The following NRXN3 variants were observed in gnomAD, a reference collection of about 807,000 sequenced individuals.
NRXN3 encodes neurexin III.
A neutral mutation model predicts 137.6 loss-of-function variants in NRXN3; 32 were observed. The ratio of observed to expected loss-of-function variants is 0.23; its 90% CI spans 0.18 to 0.31. NRXN3 has a LOEUF of 0.31. Among genes scored for constraint, NRXN3 ranks in the 10% least tolerant of loss-of-function variants. NRXN3 has a pLI of 1.00. For synonymous variants in NRXN3, 798 were observed against 784.5 expected, an observed-to-expected ratio of 1.02 and a Z score of -0.29; for missense variants, 1,574 against 2,062.5, an observed-to-expected ratio of 0.76 and a Z score of 4.59.
At chr14:78,609,086 T>G (rs1362809168) in intron 4 of NRXN3, among the ~76,000 whole-genome samples, 1 of 152,102 alleles carries the variant, frequency 6.6e-6, no homozygotes, top group East Asian at 1.9e-4. Flanking sequence ...GGTCACGAAG[T>G]AAATAAGATC....
intron 4 of NRXN3, among the ~76,000 whole-genome samples, chr14:78,484,218 A>G (rs1281918908): frequency 6.6e-6 from 1 of 152,186 alleles, no homozygotes; most frequent in African/African-American, 2.4e-5. Flanking sequence ...CAGTTGGGGA[A>G]TTGTGTAATT....
At chr14:78,778,790 TTCTTTCTTTC>T (rs2098757024) in intron 8 of NRXN3, among the ~76,000 whole-genome samples, 2 of 144,950 alleles carry the variant, frequency 1.4e-5, no homozygotes, top group African/African-American at 5.2e-5. Flanking sequence ...CTTTCTTTCT[TTCTTTCTTTC>T]TTTCTTTCTT....
intron 4 of NRXN3, among the ~76,000 whole-genome samples, chr14:78,472,916 C>CT (rs11407621): frequency 0.8 from 112,866 of 140,360 alleles, 46,102 homozygotes; most frequent in Non-Finnish European, 0.9. Context: ...GAGAAAATGT[C>CT]TTTTTTTTTT....
At chr14:79,002,307 C>T (rs2099543096) in intron 15 of NRXN3, among the ~76,000 whole-genome samples, 1 of 152,038 alleles carries the variant, frequency 6.6e-6, no homozygotes, top group South Asian at 2.1e-4. Context: ...GCACTATCAG[C>T]CTATCACCTA....
Position 79,697,812 on chromosome 14 carries a change from C to T in NRXN3, c.3889C>T (p.Pro1297Ser), listed in dbSNP as rs2098740814. 2 of 1,613,086 alleles carry T rather than the reference C, an allele frequency of 1.2e-6. No homozygotes were observed. The highest frequency in any genetic ancestry group is 1.7e-5 in the Admixed American group (1 of 59,876). The change falls in exon 19 of 21, where the codon CCA becomes TCA. Residue 1297 changes from proline (P) to serine (S), a missense_variant. This residue lies in a region of NRXN3 where 320 missense variants were observed against 387.1 expected (regional missense o/e 0.83). Transcript: ENST00000335750. ...NGSVRLVGEV[P>S]SILGTTQTTS... ...AAGTGTTCGGCTGGTTGGAGAAGTC[C>T]CATCAATTTTGGGAACAACACAGAC...
chr14:78,783,032 AATTAGTGGAT>A (rs2098775570), intron 8 of NRXN3, among the ~76,000 whole-genome samples: 1 of 152,240 alleles, frequency 6.6e-6, no homozygotes, highest in South Asian at 2.1e-4. Flanking sequence ...TGGATGCTAA[AATTAGTGGAT>A]AAAAGTTTGA....
chr14:78,541,395 C>T lies in NRXN3; in HGVS notation c.758-103725C>T, dbSNP rs569354688. On this transcript the variant is annotated intron_variant, in intron 4 of 20. Coordinates refer to ENST00000335750, the MANE Select transcript of NRXN3 (RefSeq NM_001330195.2). ...TCAATCACTGATACCCTTTCTTCCA[C>T]TTGATTGAATCAGCTATTGAAACTT... Among the ~76,000 whole-genome samples the T allele has an allele frequency of 2.9e-3, 439 of 152,284 alleles. 1 individual carries two copies. The highest frequency in any genetic ancestry group is 0.01 in the African/African-American group (418 of 41,568).
intron 2 of NRXN3, among the ~76,000 whole-genome samples, chr14:78,245,089 G>A (rs1178534749): frequency 6.6e-6 from 1 of 152,228 alleles, no homozygotes; most frequent in African/African-American, 2.4e-5. Context: ...TATGTTGAGA[G>A]GTTAGGGTGA....
intron 4 of NRXN3, among the ~76,000 whole-genome samples, chr14:78,592,684 T>C (rs886403909): frequency 2.2e-4 from 33 of 152,216 alleles, no homozygotes; most frequent in African/African-American, 7.7e-4. Context: ...CAGATTGGCT[T>C]AGCTGTTGTG....
intron 15 of NRXN3, among the ~76,000 whole-genome samples, chr14:79,007,496 C>T (rs1282825481): frequency 2.7e-5 from 4 of 149,870 alleles, no homozygotes; most frequent in Non-Finnish European, 4.4e-5. Flanking sequence ...ATCAACCAAC[C>T]AAACAAACAA....
intron 15 of NRXN3, among the ~76,000 whole-genome samples, chr14:79,147,222 G>A (rs1471905112): frequency 2.6e-5 from 4 of 152,188 alleles, no homozygotes; most frequent in Admixed American, 2.0e-4. Context: ...GCAGCTCCGG[G>A]GAGAGCTGAC....
At chr14:79,401,891 A>G (rs2095208408) in intron 15 of NRXN3, among the ~76,000 whole-genome samples, 3 of 151,370 alleles carry the variant, frequency 2.0e-5, no homozygotes, top group Admixed American at 6.6e-5. Flanking sequence ...TCTTGTAATA[A>G]TCACATCATT....
At chr14:78,603,723 C>T (rs1356612495) in intron 4 of NRXN3, among the ~76,000 whole-genome samples, 1 of 152,110 alleles carries the variant, frequency 6.6e-6, no homozygotes, top group Non-Finnish European at 1.5e-5. Context: ...AGGACAAGAC[C>T]TCTCCTTGCC....
chr14:78,284,222 A>G (rs2074846772), intron 3 of NRXN3, among the ~76,000 whole-genome samples: 1 of 152,196 alleles, frequency 6.6e-6, no homozygotes. Context: ...ATAGATGCAT[A>G]TCTGATTGCC....
intron 17 of NRXN3, among the ~76,000 whole-genome samples, chr14:79,682,407 G>T (rs888517): frequency 1 from 151,666 of 152,302 alleles, 75,518 homozygotes; most frequent in Middle Eastern, 1. Flanking sequence ...CTACAACTAC[G>T]GCATCCCCTG....
At chr14:79,456,552 C>T (rs1020359080) in intron 15 of NRXN3, among the ~76,000 whole-genome samples, 7 of 152,222 alleles carry the variant, frequency 4.6e-5, no homozygotes, top group Middle Eastern at 3.4e-3. Flanking sequence ...CATAGTGAAA[C>T]CCTGTCTCTA....
chr14:78,941,164 G>A (rs1008814317), intron 10 of NRXN3, among the ~76,000 whole-genome samples: 2 of 152,160 alleles, frequency 1.3e-5, no homozygotes, highest in Non-Finnish European at 2.9e-5. Flanking sequence ...CACTGGCCTC[G>A]TGGAGTTCAT....
chr14:78,656,027 G>A (rs771240973), intron 6 of NRXN3, among the ~76,000 whole-genome samples: 3 of 152,086 alleles, frequency 2.0e-5, no homozygotes, highest in Non-Finnish European at 2.9e-5. Flanking sequence ...ACCTCCCAGA[G>A]GCCCCACCTC....
intron 20 of NRXN3, among the ~76,000 whole-genome samples, chr14:79,807,097 C>A (rs1424391913): frequency 2.0e-5 from 3 of 147,694 alleles, no homozygotes; most frequent in Non-Finnish European, 4.5e-5. Flanking sequence ...CCTGCCTGAG[C>A]TTCCCAAGTA....
Sources: allele counts gnomAD v4.1 joint callset (sites outside exome capture counted in the v4.1 genomes callset), GRCh38; gene constraint gnomAD v4.1.1; regional missense constraint gnomAD v4.1.1; transcripts MANE v1.5; gene names NCBI Gene and HGNC (gene_info 2026-07-23, HGNC 2026-07-21).